The following FAM13B variants were observed in gnomAD, a reference collection of about 807,000 sequenced individuals.
FAM13B encodes the protein family with sequence similarity 13 member B, also known as protein FAM13B.
FAM13B carries 60 observed loss-of-function variants against 117.3 expected under a neutral mutation model. The ratio of observed to expected loss-of-function variants is 0.51; its 90% CI spans 0.42 to 0.63. The LOEUF (loss-of-function observed/expected upper bound fraction) is 0.63, where lower values mean the gene tolerates loss of function less well. Ranked by LOEUF, FAM13B falls within the 30% of genes least tolerant of loss-of-function variation. The probability of loss-of-function intolerance (pLI) is 0.00; values close to 1 mark genes in which losing one functional copy is unlikely to be tolerated. For missense variants in FAM13B, 972 were observed against 1,091.9 expected (o/e 0.89, Z 1.55); for synonymous variants, 332 against 356.1 (o/e 0.93, Z 0.76).
chr5:138,009,359 T>A (rs999970895), intron 6 of FAM13B, among the ~76,000 whole-genome samples: 1 of 152,146 alleles, frequency 6.6e-6, no homozygotes, highest in African/African-American at 2.4e-5. Flanking sequence ...TCTCAAATGA[T>A]AGATCAGGTT....
At chr5:137,955,700 T>C (rs1427264405) in intron 14 of FAM13B, among the ~76,000 whole-genome samples, 1 of 152,110 alleles carries the variant, frequency 6.6e-6, no homozygotes, top group Non-Finnish European at 1.5e-5. Context: ...GGCACGATCT[T>C]GACTCACTGC....
At chr5:138,000,712 C>T (rs1561513775) in intron 7 of FAM13B, among the ~76,000 whole-genome samples, 1 of 152,130 alleles carries the variant, frequency 6.6e-6, no homozygotes, top group Admixed American at 6.5e-5. Context: ...AGGCAGATCA[C>T]TTGAAGCCAG....
At chr5:137,972,821 C>A (rs1772655917) in intron 10 of FAM13B, among the ~76,000 whole-genome samples, 1 of 152,084 alleles carries the variant, frequency 6.6e-6, no homozygotes, top group Non-Finnish European at 1.5e-5. Context: ...CAACAACAGA[C>A]AAACAGAGCC....
At chr5:138,031,817 G>A (rs1790124120) in intron 1 of FAM13B, among the ~76,000 whole-genome samples, 5 of 152,118 alleles carry the variant, frequency 3.3e-5, no homozygotes, top group Admixed American at 2.6e-4. Context: ...GCATTTCAAG[G>A]TTACCAAAAA....
intron 1 of FAM13B, among the ~76,000 whole-genome samples, chr5:138,050,438 A>AAAACAAACAAACAAAC (rs33916276): frequency 1.3e-5 from 2 of 150,634 alleles, no homozygotes; most frequent in African/African-American, 4.9e-5. Context: ...ACTCCGTCTC[A>AAAACAAACAAACAAAC]AAACAAACAA....
At chr5:138,020,307 G>T (rs1786385306) in intron 2 of FAM13B, among the ~76,000 whole-genome samples, 1 of 152,176 alleles carries the variant, frequency 6.6e-6, no homozygotes, top group Admixed American at 6.5e-5. Flanking sequence ...TGATCAGCCA[G>T]CCTCAGCCTC....
intron 7 of FAM13B, among the ~76,000 whole-genome samples, chr5:137,994,350 GAAGGACAAA>G (rs1329622967): frequency 6.6e-6 from 1 of 152,144 alleles, no homozygotes; most frequent in Non-Finnish European, 1.5e-5. Flanking sequence ...CTGAGCTTCT[GAAGGACAAA>G]AAGGACTGAC....
chr5:137,985,425 T>C, intron 9 of FAM13B, 36 bp from the exon 10 acceptor site: 1 of 1,602,992 alleles, frequency 6.2e-7, no homozygotes, highest in South Asian at 1.1e-5. Flanking sequence ...TCAGGCCAAA[T>C]GTTGAGTGTG....
rs1206733804 is a variant in FAM13B at position 137,939,578 on chromosome 5, T to C, written c.*647A>G. 4 of 160,632 alleles carry C rather than the reference T, an allele frequency of 2.5e-5. No individual in the cohort carries two copies. The highest frequency in any genetic ancestry group is 5.4e-5 in the Non-Finnish European group (4 of 73,526). The allele number at this position is 160,632 out of a possible 1,614,324, so 10.0% of individuals were successfully genotyped here. On this transcript the variant is annotated 3_prime_UTR_variant, in exon 24 of 24. Coordinates refer to ENST00000689681, the MANE Select transcript of FAM13B (RefSeq NM_001385994.1). ...TCAATATACTAAGCGAGGTCACCTT[T>C]TGGTCTACCAACTGTTATCTTCATC...
At chr5:137,958,537 T>C (rs1278070254) in intron 13 of FAM13B, among the ~76,000 whole-genome samples, 2 of 152,106 alleles carry the variant, frequency 1.3e-5, no homozygotes, top group Non-Finnish European at 2.9e-5. Flanking sequence ...GCACTGGCAT[T>C]AGAATTCCTG....
chr5:137,966,482 T>TAGAGAGAGAGAG (rs1244957354), intron 10 of FAM13B, among the ~76,000 whole-genome samples: 22 of 53,846 alleles, frequency 4.1e-4, no homozygotes, highest in East Asian at 3.0e-3. Context: ...TATATATATA[T>TAGAGAGAGAGAG]ATATATAGAG....
intron 9 of FAM13B, among the ~76,000 whole-genome samples, chr5:137,986,690 G>A (rs539110334): frequency 1.3e-5 from 2 of 152,214 alleles, no homozygotes; most frequent in South Asian, 4.1e-4. Flanking sequence ...GATTTGTTTT[G>A]TTTGTTTTCA....
Position 138,048,151 on chromosome 5 carries a change from A to G in FAM13B, c.-203+3727T>C, listed in dbSNP as rs549028775. Among the ~76,000 whole-genome samples, 16 of 152,324 alleles carry G rather than the reference A, an allele frequency of 1.1e-4. No homozygotes were observed. The South Asian group carries it at 3.1e-3, about 30-fold the overall frequency. ...AGGTTTACAGAAAAATAAAGCAGAA[A>G]GTACGATTTCCCATATACCCACTGC... On this transcript the variant is annotated intron_variant, in intron 1 of 3. Coordinates refer to the FAM13B transcript ENST00000502471.
At chr5:137,945,315 T>C (rs1202769829) in intron 20 of FAM13B, among the ~76,000 whole-genome samples, 4 of 152,184 alleles carry the variant, frequency 2.6e-5, no homozygotes, top group African/African-American at 9.7e-5. Context: ...TAAAGGTTAA[T>C]TTGGGGACAG....
chr5:137,976,234 C>T (rs1171340053), intron 10 of FAM13B, among the ~76,000 whole-genome samples: 5 of 152,070 alleles, frequency 3.3e-5, no homozygotes, highest in Non-Finnish European at 4.4e-5. Context: ...GGATTACAGG[C>T]GTGAACCACC....
At chr5:138,050,825 G>A (rs1376456502) in intron 1 of FAM13B, among the ~76,000 whole-genome samples, 3 of 152,122 alleles carry the variant, frequency 2.0e-5, no homozygotes, top group Non-Finnish European at 4.4e-5. Flanking sequence ...CTATGATGTT[G>A]AGTCTAGACA....
At chr5:138,042,949 G>C (rs547881759) in intron 1 of FAM13B, among the ~76,000 whole-genome samples, 2 of 152,042 alleles carry the variant, frequency 1.3e-5, no homozygotes, top group East Asian at 3.9e-4. Flanking sequence ...AAAAGTAGCC[G>C]GGTGTGGTGG....
intron 14 of FAM13B, 165 bp from the exon 15 acceptor site, chr5:137,954,541 T>C (rs1336269420): frequency 5.3e-5 from 12 of 226,550 alleles, no homozygotes; most frequent in Non-Finnish European, 6.9e-5. Context: ...TGTGTGTGTA[T>C]ATATATATAT....
At position 137,952,618 on chromosome 5, in the gene FAM13B, C is replaced by T. The variant is rs1561740171; in HGVS notation, c.1930+10G>A. 5 of 1,527,468 alleles carry T rather than the reference C, an allele frequency of 3.3e-6. No homozygotes were observed. Among genetic ancestry groups the T allele is most frequent in the Non-Finnish European group, 1.8e-6 (2 of 1,131,578 alleles). 94.6% of individuals were successfully genotyped at this position (1,527,468 alleles called of 1,614,324 possible). A position where few individuals can be genotyped will look rare whatever the true frequency, so the allele number is the denominator to read the frequency against. On this transcript the variant is annotated intron_variant, in intron 17 of 23. Coordinates refer to ENST00000689681, the MANE Select transcript of FAM13B (RefSeq NM_001385994.1). ...AATGCAAATATATTACAAAATGGCA[C>T]ATAATATACCTTTAATTTGCTTCCG... is the stretch of plus-strand genomic sequence containing the variant.
Sources: allele counts gnomAD v4.1 joint callset (sites outside exome capture counted in the v4.1 genomes callset), GRCh38; gene constraint gnomAD v4.1.1; transcripts MANE v1.5; gene names NCBI Gene and HGNC (gene_info 2026-07-23, HGNC 2026-07-21).